Variants in COL27A1 observed in about 807,000 individuals in gnomAD.
COL27A1 encodes the protein collagen type XXVII alpha 1 chain, also known as collagen alpha-1(XXVII) chain.
A neutral mutation model predicts 251.3 loss-of-function variants in COL27A1; 106 were observed. The ratio of observed to expected loss-of-function variants is 0.42; its 90% CI spans 0.36 to 0.50. COL27A1 has a LOEUF of 0.50. Among genes scored for constraint, COL27A1 ranks in the 20% least tolerant of loss-of-function variants. The pLI is 0.00. For missense variants in COL27A1, 2,325 were observed against 2,522.8 expected (o/e 0.92, Z 1.68); for synonymous variants, 1,000 against 986.3 (o/e 1.01, Z -0.26).
intron 5 of COL27A1, among the ~76,000 whole-genome samples, chr9:114,184,283 C>G (rs1320165871): frequency 6.6e-6 from 1 of 152,246 alleles, no homozygotes; most frequent in African/African-American, 2.4e-5. Flanking sequence ...AAGCCCTTAA[C>G]TGATTGGCTC....
chr9:114,289,751 C>A (rs545651073), intron 45 of COL27A1, among the ~76,000 whole-genome samples: 22 of 152,258 alleles, frequency 1.4e-4, no homozygotes, highest in Admixed American at 1.4e-3. Flanking sequence ...GGTGCGCCCC[C>A]CTCACCTGCC....
intron 41 of COL27A1, among the ~76,000 whole-genome samples, chr9:114,287,931 T>C (rs1204196113): frequency 6.6e-6 from 1 of 152,066 alleles, no homozygotes; most frequent in African/African-American, 2.4e-5. Context: ...ACTGCGGATG[T>C]CATGAGTCTG....
At chr9:114,213,946 C>T (rs1217284963) in intron 12 of COL27A1, among the ~76,000 whole-genome samples, 1 of 152,134 alleles carries the variant, frequency 6.6e-6, no homozygotes, top group East Asian at 1.9e-4. Flanking sequence ...TGGAGGGAAA[C>T]ATCTTTTCAG....
Position 114,235,671 on chromosome 9 carries a change from C to T in COL27A1, c.2619+19C>T, listed in dbSNP as rs1443263685. 9.4e-6 allele frequency: 15 copies of T among 1,599,226 alleles called. No homozygotes were observed. In the African/African-American group the frequency reaches 1.3e-4, roughly 14 times the overall value. ...AGACAAGGTAATTGCATGAGATTTT[C>T]CCCTCCCCCTGCCCCTGCCCCTGCC... is the stretch of plus-strand genomic sequence containing the variant. On this transcript the variant is annotated intron_variant, in intron 17 of 60. Transcript: ENST00000356083.
chr9:114,238,519 G>C (rs1832549667), intron 19 of COL27A1, among the ~76,000 whole-genome samples: 1 of 152,220 alleles, frequency 6.6e-6, no homozygotes, highest in African/African-American at 2.4e-5. Flanking sequence ...CAAGACAAAA[G>C]TGTGGCTCTG....
chr9:114,306,718 C>T lies in COL27A1; in HGVS notation c.5107+30C>T, dbSNP rs753830028. 26 of 1,604,144 alleles carry T rather than the reference C, an allele frequency of 1.6e-5. 1 individual carries two copies. Among genetic ancestry groups the T allele is most frequent in the South Asian group, 3.3e-5 (3 of 89,832 alleles). On this transcript the variant is annotated intron_variant, in intron 58 of 60. Coordinates refer to ENST00000356083, the MANE Select transcript of COL27A1 (RefSeq NM_032888.4). ...GAAGGCTTCCTGCCGGGGGTGGGTG[C>T]GCCTGGCGGTGGGGAGCTGGGGCAG...
At chr9:114,243,708 A>T in intron 23 of COL27A1, 148 bp downstream of exon 23, 1 of 630,740 alleles carries the variant, frequency 1.6e-6, no homozygotes, top group Admixed American at 3.0e-5. Flanking sequence ...GGTAAGGGAG[A>T]AAAAAATGGA....
At chr9:114,305,240 C>T (rs921348056) in intron 57 of COL27A1, among the ~76,000 whole-genome samples, 2 of 152,150 alleles carry the variant, frequency 1.3e-5, no homozygotes, top group Non-Finnish European at 2.9e-5. Context: ...CGGTTTGTTC[C>T]CTGTGCTGGA....
intron 59 of COL27A1, 139 bp downstream of exon 59, chr9:114,307,917 G>A (rs531665265): frequency 1.0e-4 from 61 of 596,198 alleles, no homozygotes; most frequent in African/African-American, 3.0e-4. Flanking sequence ...GCCTCCTTCC[G>A]AGACTCAGTT....
intron 9 of COL27A1, 129 bp from the exon 10 acceptor site, chr9:114,206,123 G>A (rs567433122): frequency 1.4e-5 from 13 of 916,328 alleles, no homozygotes; most frequent in East Asian, 2.6e-5. Flanking sequence ...GCCAAAGATC[G>A]CTGATCTAAC....
intron 12 of COL27A1, among the ~76,000 whole-genome samples, chr9:114,212,235 C>A (rs1436457877): frequency 6.6e-6 from 1 of 152,174 alleles, no homozygotes; most frequent in Non-Finnish European, 1.5e-5. Flanking sequence ...CCTGATGCTC[C>A]CAGCTTCAGG....
chr9:114,251,278 T>C (rs1833523147), intron 25 of COL27A1, among the ~76,000 whole-genome samples: 1 of 152,054 alleles, frequency 6.6e-6, no homozygotes, highest in South Asian at 2.1e-4. Context: ...TTATTCCCAT[T>C]GAATAGATGG....
intron 3 of COL27A1, among the ~76,000 whole-genome samples, chr9:114,176,781 G>A (rs1273923140): frequency 6.6e-6 from 1 of 152,110 alleles, no homozygotes; most frequent in Non-Finnish European, 1.5e-5. Context: ...TTCTGCTCAG[G>A]GCTCTTGCCC....
At chr9:114,301,366 G>C (rs1828615315) in intron 53 of COL27A1, 47 bp downstream of exon 53, 1 of 1,612,286 alleles carries the variant, frequency 6.2e-7, no homozygotes, top group Admixed American at 1.7e-5. Context: ...GCAGGGGCGG[G>C]GGAGGGGTGG....
chr9:114,231,670 G>A, intron 15 of COL27A1, 152 bp from the exon 16 acceptor site: 1 of 762,168 alleles, frequency 1.3e-6, no homozygotes, highest in Non-Finnish European at 2.3e-6. Flanking sequence ...CTTGCCCTGT[G>A]AGATTGGAGT....
intron 36 of COL27A1, among the ~76,000 whole-genome samples, chr9:114,274,956 C>G (rs1312432190): frequency 6.6e-6 from 1 of 151,784 alleles, no homozygotes; most frequent in Non-Finnish European, 1.5e-5. Context: ...CTAGTTGCAG[C>G]AGCTCATACC....
chr9:114,267,431 C>T, intron 33 of COL27A1, 73 bp from the exon 34 acceptor site: 3 of 1,346,210 alleles, frequency 2.2e-6, no homozygotes, highest in Non-Finnish European at 2.1e-6. Flanking sequence ...CCTCTTGGAG[C>T]CTCAGTTACC....
intron 7 of COL27A1, among the ~76,000 whole-genome samples, chr9:114,201,769 A>G (rs190336793): frequency 5.9e-5 from 9 of 152,310 alleles, no homozygotes; most frequent in Admixed American, 5.2e-4. Context: ...CTCTGCCTGA[A>G]TAATGCTGCA....
chr9:114,254,808 A>C (rs540653735), intron 27 of COL27A1, among the ~76,000 whole-genome samples: 1 of 152,338 alleles, frequency 6.6e-6, no homozygotes, highest in South Asian at 2.1e-4. Flanking sequence ...CTGGAGGTAC[A>C]AAAATGGTAA....
Sources: allele counts gnomAD v4.1 joint callset (sites outside exome capture counted in the v4.1 genomes callset), GRCh38; gene constraint gnomAD v4.1.1; transcripts MANE v1.5; gene names NCBI Gene and HGNC (gene_info 2026-07-23, HGNC 2026-07-21).